The following SLC10A7 variants were observed in gnomAD, a reference collection of about 807,000 sequenced individuals.
The protein encoded by SLC10A7 is sodium/bile acid cotransporter 7.
Under a neutral mutation model 43.2 loss-of-function variants are expected in SLC10A7, and 29 were observed. The ratio of observed to expected loss-of-function variants is 0.67; its 90% CI spans 0.50 to 0.92. The LOEUF is 0.92. SLC10A7 is among the 40% of genes least tolerant of loss of function. SLC10A7 has a pLI of 0.00. For missense variants in SLC10A7, 295 were observed against 403.2 expected, an observed-to-expected ratio of 0.73 and a Z score of 2.30; for synonymous variants, 152 against 144.8, an observed-to-expected ratio of 1.05 and a Z score of -0.35.
At chr4:146,508,481 C>T (rs1458365334) in intron 3 of SLC10A7, among the ~76,000 whole-genome samples, 3 of 152,200 alleles carry the variant, frequency 2.0e-5, no homozygotes, top group African/African-American at 7.2e-5. Flanking sequence ...TTCTCTGAAA[C>T]TAAATCTGGC....
At chr4:146,294,936 T>C (rs546860386) in intron 7 of SLC10A7, among the ~76,000 whole-genome samples, 3 of 152,294 alleles carry the variant, frequency 2.0e-5, no homozygotes. Flanking sequence ...ATAAGGACGA[T>C]AGCTGAGACA....
At chr4:146,463,807 C>T (rs1160701394) in intron 4 of SLC10A7, among the ~76,000 whole-genome samples, 1 of 150,872 alleles carries the variant, frequency 6.6e-6, no homozygotes, top group Non-Finnish European at 1.5e-5. Context: ...TTCATCATAC[C>T]ATTATTTCCT....
chr4:146,476,815 A>G (rs1378623640), intron 4 of SLC10A7, among the ~76,000 whole-genome samples: 1 of 152,184 alleles, frequency 6.6e-6, no homozygotes, highest in African/African-American at 2.4e-5. Context: ...ACAGGAAGAC[A>G]GTTAACTAGA....
intron 4 of SLC10A7, among the ~76,000 whole-genome samples, chr4:146,494,677 G>C (rs1735736677): frequency 6.6e-6 from 1 of 152,124 alleles, no homozygotes. Flanking sequence ...TCTGTGTCAT[G>C]AATCAGTCAT....
intron 10 of SLC10A7, among the ~76,000 whole-genome samples, chr4:146,269,579 A>G (rs768805481): frequency 1.3e-5 from 2 of 152,242 alleles, no homozygotes; most frequent in Non-Finnish European, 2.9e-5. Context: ...GACAAAAATA[A>G]CACAAGGTCA....
chr4:146,274,901 C>T (rs1363104998), intron 10 of SLC10A7, among the ~76,000 whole-genome samples: 2 of 152,110 alleles, frequency 1.3e-5, no homozygotes, highest in Admixed American at 1.3e-4. Context: ...AGAAAAACAA[C>T]AACCAACCAC....
chr4:146,500,122 T>C (rs1736261549), intron 4 of SLC10A7, among the ~76,000 whole-genome samples: 1 of 152,196 alleles, frequency 6.6e-6, no homozygotes, highest in Non-Finnish European at 1.5e-5. Flanking sequence ...AATAACTACC[T>C]GACATAATGA....
intron 2 of SLC10A7, chr4:146,514,966 C>T: frequency 3.5e-6 from 2 of 573,656 alleles, no homozygotes; most frequent in East Asian, 2.9e-5. Context: ...GCTTAGATAC[C>T]ACGATAAAGC....
intron 5 of SLC10A7, among the ~76,000 whole-genome samples, chr4:146,439,042 C>T (rs568147065): frequency 5.9e-5 from 9 of 152,050 alleles, no homozygotes. Flanking sequence ...CTATGCTCCA[C>T]AATTATTATA....
intron 10 of SLC10A7, among the ~76,000 whole-genome samples, chr4:146,275,534 C>G (rs1178469937): frequency 6.6e-6 from 1 of 152,128 alleles, no homozygotes; most frequent in African/African-American, 2.4e-5. Flanking sequence ...CACTTGGGAA[C>G]TTCCCTTATC....
rs1216039138 is a variant in SLC10A7, at chr4:146,376,017, G to A, written c.436-50021C>T. Among the ~76,000 whole-genome samples the A allele has an allele frequency of 2.6e-5, 4 of 152,202 alleles. No individual in the cohort carries two copies. In the East Asian group the frequency reaches 7.7e-4, roughly 29 times the overall value. On this transcript the variant is annotated intron_variant, in intron 5 of 11. Coordinates refer to ENST00000335472, the MANE Select transcript of SLC10A7 (RefSeq NM_001029998.6). ...GTGAGAGCAGCTTACAGAACCCAAG[G>A]AAACACTTTACTTACGTTTACCCAT... is the stretch of plus-strand genomic sequence containing the variant.
chr4:146,322,167 G>C (rs1732755819), intron 6 of SLC10A7, among the ~76,000 whole-genome samples: 1 of 152,040 alleles, frequency 6.6e-6, no homozygotes, highest in African/African-American at 2.4e-5. Context: ...ATTTTTATCA[G>C]CATGTTACCG....
chr4:146,385,071 T>C (rs1304061768), intron 5 of SLC10A7, among the ~76,000 whole-genome samples: 1 of 152,118 alleles, frequency 6.6e-6, no homozygotes, highest in Non-Finnish European at 1.5e-5. Flanking sequence ...TCTATAGCAA[T>C]GTCTTCCTCT....
At chr4:146,483,990 A>G (rs532538526) in intron 4 of SLC10A7, among the ~76,000 whole-genome samples, 2 of 152,316 alleles carry the variant, frequency 1.3e-5, no homozygotes, top group African/African-American at 4.8e-5. Flanking sequence ...GCAAGAATTA[A>G]TGGATATGAG....
intron 4 of SLC10A7, among the ~76,000 whole-genome samples, chr4:146,473,328 T>C (rs757513777): frequency 1.7e-4 from 26 of 152,202 alleles, no homozygotes; most frequent in Non-Finnish European, 3.2e-4. Context: ...TTTTTACTGT[T>C]TGCATGTATG....
chr4:146,499,209 C>T (rs754230889), intron 4 of SLC10A7, among the ~76,000 whole-genome samples: 1 of 152,118 alleles, frequency 6.6e-6, no homozygotes, highest in Non-Finnish European at 1.5e-5. Flanking sequence ...TTGTCATATA[C>T]ACCATCAAGA....
At chr4:146,468,434 C>CATTT (rs529887083) in intron 4 of SLC10A7, among the ~76,000 whole-genome samples, 185 of 150,942 alleles carry the variant, frequency 1.2e-3, no homozygotes, top group East Asian at 0.011. Flanking sequence ...TGGAGCAATG[C>CATTT]ATTTATTTAT....
intron 5 of SLC10A7, chr4:146,442,254 T>TAC (rs1553973127): frequency 1.1e-6 from 1 of 934,682 alleles, no homozygotes; most frequent in African/African-American, 1.8e-5. Context: ...TATATATATA[T>TAC]AGATACAACA....
intron 6 of SLC10A7, among the ~76,000 whole-genome samples, chr4:146,317,295 A>C (rs1235122250): frequency 6.6e-6 from 1 of 152,066 alleles, no homozygotes; most frequent in Non-Finnish European, 1.5e-5. Context: ...AAAACATTCA[A>C]AAAATGTTTT....
Sources: allele counts gnomAD v4.1 joint callset (sites outside exome capture counted in the v4.1 genomes callset), GRCh38; gene constraint gnomAD v4.1.1; transcripts MANE v1.5; gene names NCBI Gene and HGNC (gene_info 2026-07-23, HGNC 2026-07-21).